The following ZCCHC7 variants were observed in gnomAD, a reference collection of about 807,000 sequenced individuals.
ZCCHC7 encodes zinc finger CCHC domain-containing protein 7.
In ZCCHC7, 35 loss-of-function variants were observed where a neutral mutation model predicts 52.0. That is an observed-to-expected ratio of 0.67 (90% CI 0.51 to 0.89). The LOEUF is 0.89. ZCCHC7 is among the 40% of genes least tolerant of loss of function. The probability of loss-of-function intolerance (pLI) is 0.00; values close to 1 mark genes in which losing one functional copy is unlikely to be tolerated. For missense variants in ZCCHC7, 574 were observed against 649.1 expected, an observed-to-expected ratio of 0.88 and a Z score of 1.26; for synonymous variants, 217 against 221.5, an observed-to-expected ratio of 0.98 and a Z score of 0.18.
At chr9:37,166,050 C>G (rs1249105762) in intron 2 of ZCCHC7, among the ~76,000 whole-genome samples, 2 of 152,196 alleles carry the variant, frequency 1.3e-5, no homozygotes, top group Non-Finnish European at 2.9e-5. Context: ...AAAATCTCAT[C>G]TAAGTTGCTG....
intron 2 of ZCCHC7, among the ~76,000 whole-genome samples, chr9:37,255,224 G>T (rs921641245): frequency 3.9e-5 from 6 of 152,010 alleles, no homozygotes; most frequent in African/African-American, 1.4e-4. Flanking sequence ...TGTGAATGTG[G>T]CACTGTACTC....
At chr9:37,134,066 C>G (rs991673976) in intron 2 of ZCCHC7, among the ~76,000 whole-genome samples, 2 of 152,046 alleles carry the variant, frequency 1.3e-5, no homozygotes, top group African/African-American at 2.4e-5. Flanking sequence ...AATCATATTA[C>G]CATAGGTAAA....
At chr9:37,289,707 T>A (rs1343195634) in intron 2 of ZCCHC7, among the ~76,000 whole-genome samples, 3 of 152,220 alleles carry the variant, frequency 2.0e-5, no homozygotes, top group Non-Finnish European at 4.4e-5. Flanking sequence ...AGTTTTTGTT[T>A]CACTCAGAGT....
At chr9:37,288,688 A>G (rs2133613500) in intron 2 of ZCCHC7, among the ~76,000 whole-genome samples, 1 of 152,236 alleles carries the variant, frequency 6.6e-6, no homozygotes, top group Middle Eastern at 3.4e-3. Context: ...TCTTTTTCTT[A>G]CCTGCCCTAT....
At chr9:37,262,004 A>G (rs1321197947) in intron 2 of ZCCHC7, among the ~76,000 whole-genome samples, 1 of 152,170 alleles carries the variant, frequency 6.6e-6, no homozygotes, top group Non-Finnish European at 1.5e-5. Context: ...TAAGGAAGAA[A>G]TTATGTCAGT....
chr9:37,128,674 A>G (rs375355356), intron 2 of ZCCHC7, among the ~76,000 whole-genome samples: 1 of 152,344 alleles, frequency 6.6e-6, no homozygotes. Flanking sequence ...GTTTCCCAGG[A>G]GGCTGAAGGC....
intron 6 of ZCCHC7, among the ~76,000 whole-genome samples, chr9:37,342,563 G>A (rs1820707534): frequency 6.6e-6 from 1 of 152,166 alleles, no homozygotes; most frequent in African/African-American, 2.4e-5. Context: ...ACAGAGAGAT[G>A]GATAGAAGCC....
At chr9:37,132,247 C>A (rs552072355) in intron 2 of ZCCHC7, among the ~76,000 whole-genome samples, 9 of 152,216 alleles carry the variant, frequency 5.9e-5, no homozygotes, top group Non-Finnish European at 1.0e-4. Context: ...GTAAGACAAC[C>A]AAATGATGAC....
chr9:37,221,665 A>G (rs1824818562), intron 2 of ZCCHC7, among the ~76,000 whole-genome samples: 1 of 152,236 alleles, frequency 6.6e-6, no homozygotes, highest in Non-Finnish European at 1.5e-5. Context: ...AACTAGATTA[A>G]GATGAGTAAG....
chr9:37,247,562 A>C (rs1826132201), intron 2 of ZCCHC7, among the ~76,000 whole-genome samples: 1 of 152,178 alleles, frequency 6.6e-6, no homozygotes, highest in African/African-American at 2.4e-5. Context: ...TTTTCAGTAT[A>C]GCAGTTAAGG....
chr9:37,337,587 C>G (rs1830738567), intron 6 of ZCCHC7, among the ~76,000 whole-genome samples: 1 of 152,010 alleles, frequency 6.6e-6, no homozygotes, highest in South Asian at 2.1e-4. Flanking sequence ...AAGAAGCTGG[C>G]ATGAAAATTG....
intron 6 of ZCCHC7, among the ~76,000 whole-genome samples, chr9:37,337,025 CT>C (rs538041643): frequency 4.3e-4 from 65 of 152,238 alleles, no homozygotes; most frequent in South Asian, 3.3e-3. Context: ...AGAAATATTC[CT>C]GAGAGGATTA....
At chr9:37,163,385 C>CAAAAAAAAAAAAAAAAAAAAAA in intron 2 of ZCCHC7, among the ~76,000 whole-genome samples, 1 of 77,172 alleles carries the variant, frequency 1.3e-5, no homozygotes, top group Non-Finnish European at 2.6e-5. Context: ...GACTCCATCT[C>CAAAAAAAAAAAAAAAAAAAAAA]AAAAAAAAAA....
intron 2 of ZCCHC7, among the ~76,000 whole-genome samples, chr9:37,135,906 G>C (rs1842978031): frequency 6.6e-6 from 1 of 152,156 alleles, no homozygotes. Context: ...GGCCATTGTT[G>C]AATTCCTGGC....
Position 37,356,882 on chromosome 9 carries a change from A to G in ZCCHC7, c.1246A>G (p.Ile416Val). The change falls in exon 9 of 9, where the codon ATA becomes GTA. Residue 416 changes from isoleucine (I) to valine (V), a missense_variant. This residue lies in a region of ZCCHC7 where 168 missense variants were observed against 171.6 expected (regional missense o/e 0.98). Transcript: ENST00000336755. ...CCCAGAGCCATCCAAGCTACCTTAT[A>G]TAAAAGCAGCAAATGAGAACCCCCA... is the stretch of plus-strand genomic sequence containing the variant. ...VIPEPSKLPY[I>V]KAANENPHHD... The G allele has an allele frequency of 1.2e-6, 2 of 1,611,634 alleles. No homozygotes were observed. Among genetic ancestry groups the G allele is most frequent in the South Asian group, 1.1e-5 (1 of 90,446 alleles).
intron 2 of ZCCHC7, among the ~76,000 whole-genome samples, chr9:37,166,729 T>C (rs1423953691): frequency 6.6e-6 from 1 of 152,110 alleles, no homozygotes; most frequent in Non-Finnish European, 1.5e-5. Flanking sequence ...TCCCACAAAT[T>C]TTGCTATGTT....
At chr9:37,220,636 G>T (rs1824763566) in intron 2 of ZCCHC7, among the ~76,000 whole-genome samples, 1 of 152,158 alleles carries the variant, frequency 6.6e-6, no homozygotes, top group Non-Finnish European at 1.5e-5. Flanking sequence ...AAATTACTGA[G>T]AGCTGTTGGA....
At chr9:37,235,769 T>C (rs1033082625) in intron 2 of ZCCHC7, among the ~76,000 whole-genome samples, 1 of 151,692 alleles carries the variant, frequency 6.6e-6, no homozygotes, top group Admixed American at 6.6e-5. Context: ...TTTGTGTTTT[T>C]AGTAGAGACA....
intron 2 of ZCCHC7, among the ~76,000 whole-genome samples, chr9:37,188,785 C>T (rs1200741461): frequency 3.1e-3 from 2 of 646 alleles, no homozygotes; most frequent in African/African-American, 0.014. Context: ...CTCTCTTCCT[C>T]ACCCCTCCCT....
Sources: gnomAD v4.1 joint callset for allele counts (sites outside exome capture counted in the v4.1 genomes callset) on GRCh38, gnomAD v4.1.1 for gene constraint, gnomAD v4.1.1 regional missense constraint, MANE v1.5 for transcripts, NCBI Gene and HGNC (gene_info 2026-07-23, HGNC 2026-07-21) for gene names.